Variants in BBS9 observed in about 807,000 individuals in gnomAD.
The protein encoded by BBS9 is protein PTHB1.
BBS9 carries 89 observed loss-of-function variants against 117.7 expected under a neutral mutation model. The observed-to-expected ratio is 0.76, with a 90% CI of 0.64 to 0.90. The LOEUF (loss-of-function observed/expected upper bound fraction) is 0.90, where lower values mean the gene tolerates loss of function less well. Among genes scored for constraint, BBS9 ranks in the 40% least tolerant of loss-of-function variants. The pLI, the probability that BBS9 is intolerant of heterozygous loss-of-function variation, is 0.00. For missense variants in BBS9, 982 were observed against 1,042.2 expected, an observed-to-expected ratio of 0.94 and a Z score of 0.80; for synonymous variants, 379 against 370.9, an observed-to-expected ratio of 1.02 and a Z score of -0.25.
intron 20 of BBS9, among the ~76,000 whole-genome samples, chr7:33,506,999 C>T (rs1216773236): frequency 6.6e-6 from 1 of 152,058 alleles, no homozygotes; most frequent in African/African-American, 2.4e-5. Flanking sequence ...TTATTGGTTC[C>T]ACCACTTGGT....
chr7:33,137,929 A>C (rs1790788840), intron 1 of BBS9, among the ~76,000 whole-genome samples: 1 of 152,210 alleles, frequency 6.6e-6, no homozygotes, highest in Non-Finnish European at 1.5e-5. Context: ...GTTGCTCTGA[A>C]ATATTGTTGT....
chr7:33,516,347 G>C (rs1206450274), intron 20 of BBS9, among the ~76,000 whole-genome samples: 1 of 151,908 alleles, frequency 6.6e-6, no homozygotes, highest in Non-Finnish European at 1.5e-5. Context: ...AAATTGGCCT[G>C]GTGCGGTGGC....
At chr7:33,447,489 C>T (rs1837165139) in intron 19 of BBS9, among the ~76,000 whole-genome samples, 1 of 152,150 alleles carries the variant, frequency 6.6e-6, no homozygotes, top group African/African-American at 2.4e-5. Flanking sequence ...GAATATTGTC[C>T]TGACATTAAA....
intron 11 of BBS9, among the ~76,000 whole-genome samples, chr7:33,342,787 T>C (rs968561210): frequency 6.6e-6 from 1 of 152,148 alleles, no homozygotes; most frequent in African/African-American, 2.4e-5. Context: ...TCTAGGTGTT[T>C]AGTCATGGAT....
chr7:33,405,027 C>T (rs921160017), intron 19 of BBS9, among the ~76,000 whole-genome samples: 10 of 152,122 alleles, frequency 6.6e-5, no homozygotes, highest in East Asian at 3.8e-4. Flanking sequence ...CCATCAATAC[C>T]GAACTTATTG....
At chr7:33,294,766 A>G (rs1804915316) in intron 9 of BBS9, among the ~76,000 whole-genome samples, 1 of 152,250 alleles carries the variant, frequency 6.6e-6, no homozygotes, top group South Asian at 2.1e-4. Context: ...CTGGTTAATG[A>G]TGAATTCATC....
rs534345206 is a variant in BBS9 at position 33,432,270 on chromosome 7, G to A, written c.2115+44126G>A. Among the ~76,000 whole-genome samples the A allele has an allele frequency of 2.0e-4, 27 of 134,918 alleles. No individual in the cohort carries two copies. In the South Asian group the frequency reaches 5.4e-3, roughly 27 times the overall value. The allele number at this position is 134,918 out of a possible 152,430, so 88.5% of individuals were successfully genotyped here. A position where few individuals can be genotyped will look rare whatever the true frequency, so the allele number is the denominator to read the frequency against. ...ACTACAGGTGCCCGCCACCATGCCC[G>A]GCTAATTTTTTTTTTTTTTTAGTAG... On this transcript the variant is annotated intron_variant, in intron 19 of 22. Transcript: ENST00000242067.
intron 5 of BBS9, among the ~76,000 whole-genome samples, chr7:33,195,082 G>A (rs867898348): frequency 6.6e-6 from 1 of 152,186 alleles, no homozygotes; most frequent in Non-Finnish European, 1.5e-5. Flanking sequence ...TGCCTTGCTA[G>A]TTAGAGAGAA....
intron 17 of BBS9, among the ~76,000 whole-genome samples, chr7:33,381,892 G>T (rs549274663): frequency 6.6e-6 from 1 of 152,254 alleles, no homozygotes; most frequent in African/African-American, 2.4e-5. Context: ...ATATACTATT[G>T]AATTCTGGAT....
At chr7:33,517,934 T>C (rs1848041702) in intron 20 of BBS9, among the ~76,000 whole-genome samples, 1 of 152,240 alleles carries the variant, frequency 6.6e-6, no homozygotes, top group South Asian at 2.1e-4. Flanking sequence ...TATGTGCATG[T>C]GCTTAAGCGT....
chr7:33,563,878 A>C (rs1398068208), intron 21 of BBS9, among the ~76,000 whole-genome samples: 1 of 152,220 alleles, frequency 6.6e-6, no homozygotes, highest in Admixed American at 6.5e-5. Context: ...TGTTTACAGC[A>C]GGCCTTATTG....
intron 9 of BBS9, among the ~76,000 whole-genome samples, chr7:33,286,807 G>A (rs1050214719): frequency 2.6e-5 from 4 of 152,002 alleles, no homozygotes; most frequent in African/African-American, 9.7e-5. Flanking sequence ...CTGTTTTTTA[G>A]AACTAGCTTT....
At chr7:33,308,777 C>T (rs750173874) in intron 9 of BBS9, among the ~76,000 whole-genome samples, 3 of 152,164 alleles carry the variant, frequency 2.0e-5, no homozygotes, top group Non-Finnish European at 2.9e-5. Context: ...AGACTTTGTA[C>T]TTATTGTTCC....
At chr7:33,155,568 T>A (rs1378584800) in intron 3 of BBS9, 70 bp from the exon 4 acceptor site, 1 of 1,037,802 alleles carries the variant, frequency 9.6e-7, no homozygotes, top group Non-Finnish European at 1.5e-6. Flanking sequence ...TTTTTGAAAT[T>A]ATTTTACAAC....
Position 33,273,195 on chromosome 7 carries a change from G to T in BBS9, c.886G>T (p.Val296Phe), listed in dbSNP as rs747251300. ...AAGTTGTTTTCTGCCATATTGCTCAGGTGTGTAGAAAGATTTTCTTTTATC... is the reference window on the plus strand; with the variant it reads ...AAGTTGTTTTCTGCCATATTGCTCATGTGTGTAGAAAGATTTTCTTTTATC... ...SPSCFLPYCSVSEGTINTLIG... is the reference protein window; with the variant it reads ...SPSCFLPYCSFSEGTINTLIG... The change falls in exon 8 of 23, where the codon GTT becomes TTT. Residue 296 changes from valine (V) to phenylalanine (F), a missense_variant and splice_region_variant. By Grantham distance (50) the Val-to-Phe change is conservative. Coordinates refer to ENST00000242067, the MANE Select transcript of BBS9 (RefSeq NM_198428.3). 1 of 1,613,508 alleles carries T rather than the reference G, an allele frequency of 6.2e-7. No individual in the cohort carries two copies. The highest frequency in any genetic ancestry group is 1.1e-5 in the South Asian group (1 of 91,060).
At position 33,288,474 on chromosome 7, in the gene BBS9, TAAC is replaced by T. The variant is rs1803344778; in HGVS notation, c.1016+14520_1016+14522del. 3.3e-5 allele frequency among the ~76,000 whole-genome samples: 5 copies of T among 152,328 alleles called. 1 individual carries two copies. In the South Asian group the frequency reaches 1.0e-3, roughly 32 times the overall value. ...GGGAATTCGTTAACGTTGAATAATGTAACATGATGAACTATGTTCTATTAATAA... is the reference window on the plus strand; with the variant it reads ...GGGAATTCGTTAACGTTGAATAATGTATGATGAACTATGTTCTATTAATAA... On this transcript the variant is annotated intron_variant, in intron 9 of 22. Coordinates refer to ENST00000242067, the MANE Select transcript of BBS9 (RefSeq NM_198428.3).
chr7:33,449,314 A>G (rs1028370210), intron 19 of BBS9, among the ~76,000 whole-genome samples: 1 of 152,230 alleles, frequency 6.6e-6, no homozygotes, highest in Non-Finnish European at 1.5e-5. Flanking sequence ...ATTACCAGCC[A>G]TAGACAATAC....
intron 19 of BBS9, among the ~76,000 whole-genome samples, chr7:33,480,324 G>T (rs1245702167): frequency 1.3e-5 from 2 of 152,166 alleles, no homozygotes; most frequent in East Asian, 3.8e-4. Context: ...CTAGTTTCTA[G>T]CAATACAGAA....
chr7:33,341,753 C>T (rs1816613119), intron 11 of BBS9, among the ~76,000 whole-genome samples: 1 of 152,018 alleles, frequency 6.6e-6, no homozygotes, highest in East Asian at 1.9e-4. Context: ...TATATATTTG[C>T]TCTATGAATA....
Sources: gnomAD v4.1 joint callset for allele counts (sites outside exome capture counted in the v4.1 genomes callset) on GRCh38, gnomAD v4.1.1 for gene constraint, MANE v1.5 for transcripts, NCBI Gene and HGNC (gene_info 2026-07-23, HGNC 2026-07-21) for gene names.